The following CNST variants were observed in gnomAD, a reference collection of about 807,000 sequenced individuals.
CNST encodes consortin, connexin sorting protein.
A neutral mutation model predicts 72.4 loss-of-function variants in CNST; 39 were observed. The observed-to-expected ratio is 0.54, with a 90% CI of 0.42 to 0.70. The LOEUF (loss-of-function observed/expected upper bound fraction) is 0.70. Among genes scored for constraint, CNST ranks in the 30% least tolerant of loss-of-function variants. The pLI, the probability that CNST is intolerant of heterozygous loss-of-function variation, is 0.00. For synonymous variants in CNST, 332 were observed against 320.1 expected (o/e 1.04, Z -0.40); for missense variants, 871 against 868.5 (o/e 1.00, Z -0.04).
chr1:246,635,509 A>T (rs1283534406), intron 6 of CNST, among the ~76,000 whole-genome samples: 1 of 152,164 alleles, frequency 6.6e-6, no homozygotes, highest in East Asian at 1.9e-4. Context: ...CTGATGTTTG[A>T]AGCGATTTCT....
intron 5 of CNST, 129 bp from the exon 6 acceptor site, chr1:246,634,344 G>GT: frequency 5.0e-6 from 3 of 599,288 alleles, no homozygotes; most frequent in Non-Finnish European, 5.8e-6. Context: ...ATTTCTAACT[G>GT]TTGGGTTGTT....
chr1:246,603,994 C>T (rs141448623), intron 2 of CNST, among the ~76,000 whole-genome samples: 3,562 of 152,228 alleles, frequency 0.023, 141 homozygotes, highest in African/African-American at 0.082. Context: ...GAGGCCTAGG[C>T]GGGTGGATCA....
intron 9 of CNST, among the ~76,000 whole-genome samples, chr1:246,654,553 G>A (rs1344864659): frequency 1.3e-5 from 2 of 152,256 alleles, no homozygotes; most frequent in Admixed American, 6.5e-5. Flanking sequence ...CTCTGTTATC[G>A]TAAGACGCAC....
intron 1 of CNST, 27 bp from the exon 2 acceptor site, chr1:246,591,485 G>A: frequency 2.0e-6 from 3 of 1,501,628 alleles, no homozygotes; most frequent in Non-Finnish European, 2.7e-6. Context: ...AGAAAATGAA[G>A]TAGCTTTTTT....
intron 1 of CNST, among the ~76,000 whole-genome samples, chr1:246,574,307 T>C (rs969078657): frequency 2.0e-5 from 3 of 152,174 alleles, no homozygotes; most frequent in Admixed American, 6.5e-5. Context: ...TCCCAAAGTG[T>C]TGGGATTACA....
At chr1:246,654,765 C>G (rs1666680291) in intron 9 of CNST, among the ~76,000 whole-genome samples, 1 of 151,754 alleles carries the variant, frequency 6.6e-6, no homozygotes, top group South Asian at 2.1e-4. Flanking sequence ...AGTGAAAAAG[C>G]TACATTACTC....
intron 1 of CNST, among the ~76,000 whole-genome samples, chr1:246,578,913 A>G (rs1010936960): frequency 3.3e-5 from 5 of 152,134 alleles, no homozygotes; most frequent in African/African-American, 9.7e-5. Flanking sequence ...TTTACCTATT[A>G]GTGCTTCAAA....
chr1:246,615,304 T>C (rs1341931810), intron 2 of CNST, among the ~76,000 whole-genome samples: 1 of 152,088 alleles, frequency 6.6e-6, no homozygotes, highest in Non-Finnish European at 1.5e-5. Context: ...GCCTCCCGCG[T>C]AGCTGGGACT....
chr1:246,600,863 A>G (rs1662241423), intron 2 of CNST, among the ~76,000 whole-genome samples: 1 of 152,202 alleles, frequency 6.6e-6, no homozygotes, highest in Non-Finnish European at 1.5e-5. Context: ...CTAACTTCTT[A>G]GATTTTACAT....
chr1:246,647,916 A>T lies in CNST; in HGVS notation c.1715A>T (p.Asp572Val). Residue 572 changes from aspartate (D) to valine (V), a missense_variant, in exon 9 of 11, where the codon GAC (aspartate) becomes GTC (valine). Transcript: ENST00000366513. ...TCCTATGAAGATAACCAAGACGACG[A>T]CTCCGATCTCCTTCAAGATCTCTCT... is the stretch of plus-strand genomic sequence containing the variant. ...SLSYEDNQDD[D>V]SDLLQDLSPE... 6.2e-7 allele frequency: 1 copy of T among 1,613,652 alleles called. No homozygotes were observed. Among genetic ancestry groups the T allele is most frequent in the Non-Finnish European group, 8.5e-7 (1 of 1,179,920 alleles).
rs115814897 is a variant in CNST at position 246,623,601 on chromosome 1, C to T, written c.585+1967C>T. ...ACCTCATCTCTTCTAAAAATATACA[C>T]ACACAAAAAAATTAACCAGGCATGG... On this transcript the variant is annotated intron_variant, in intron 3 of 10. Transcript: ENST00000366513. 3.8e-3 allele frequency among the ~76,000 whole-genome samples: 584 copies of T among 152,048 alleles called. 9 individuals carry two copies. Among genetic ancestry groups the T allele is most frequent in the African/African-American group, 0.013 (519 of 41,480 alleles).
intron 3 of CNST, among the ~76,000 whole-genome samples, chr1:246,624,254 G>C (rs1664275005): frequency 6.6e-6 from 1 of 152,150 alleles, no homozygotes; most frequent in Admixed American, 6.5e-5. Flanking sequence ...TAATCACTCA[G>C]CTTTCACTGC....
chr1:246,579,894 T>G (rs1558528888), intron 1 of CNST, among the ~76,000 whole-genome samples: 1 of 152,240 alleles, frequency 6.6e-6, no homozygotes, highest in East Asian at 1.9e-4. Context: ...TCCCATAAAT[T>G]GTCTCATTTT....
Position 246,624,676 on chromosome 1 carries a change from T to C in CNST, c.585+3042T>C, listed in dbSNP as rs566087085. 5.3e-5 allele frequency among the ~76,000 whole-genome samples: 8 copies of C among 152,314 alleles called. No homozygotes were observed. In the East Asian group the frequency reaches 1.5e-3, roughly 29 times the overall value. On this transcript the variant is annotated intron_variant, in intron 3 of 10. Transcript: ENST00000366513. ...AAGGGACACACAAATCAGGGAGGGATGGAGATATATTTTATTCATTTTAGT... is the reference window on the plus strand; with the variant it reads ...AAGGGACACACAAATCAGGGAGGGACGGAGATATATTTTATTCATTTTAGT...
At chr1:246,652,187 T>G (rs1666481553) in intron 9 of CNST, among the ~76,000 whole-genome samples, 1 of 152,224 alleles carries the variant, frequency 6.6e-6, no homozygotes, top group East Asian at 1.9e-4. Context: ...CATGTGTTTG[T>G]TTGGTTCTGG....
At chr1:246,583,627 A>C (rs1660941364) in intron 1 of CNST, among the ~76,000 whole-genome samples, 1 of 152,214 alleles carries the variant, frequency 6.6e-6, no homozygotes, top group African/African-American at 2.4e-5. Flanking sequence ...GATTACCCTG[A>C]AGGCTGGTGA....
At chr1:246,566,899 C>T (rs1299001772) in intron 1 of CNST, 1 of 369,340 alleles carries the variant, frequency 2.7e-6, no homozygotes, top group Non-Finnish European at 4.8e-6. Context: ...GCCAATTTCT[C>T]CCTCCCTAGG....
chr1:246,596,220 G>A (rs189725584), intron 2 of CNST, among the ~76,000 whole-genome samples: 71 of 152,144 alleles, frequency 4.7e-4, no homozygotes, highest in African/African-American at 1.6e-3. Flanking sequence ...TTTGTGACCA[G>A]CCTGGGCAAC....
intron 9 of CNST, among the ~76,000 whole-genome samples, chr1:246,648,962 G>A (rs1404568686): frequency 1.3e-5 from 2 of 152,122 alleles, no homozygotes; most frequent in Non-Finnish European, 2.9e-5. Context: ...GCTGTCTAAG[G>A]TAATTATAGC....
Sources: gnomAD v4.1 joint callset for allele counts (sites outside exome capture counted in the v4.1 genomes callset) on GRCh38, gnomAD v4.1.1 for gene constraint, MANE v1.5 for transcripts, NCBI Gene and HGNC (gene_info 2026-07-23, HGNC 2026-07-21) for gene names.